The following POU2AF1 variants were observed in gnomAD, a reference collection of about 807,000 sequenced individuals.
The protein encoded by POU2AF1 is POU class 2 homeobox associating factor 1.
A neutral mutation model predicts 26.3 loss-of-function variants in POU2AF1; 12 were observed. The ratio of observed to expected loss-of-function variants is 0.46; its 90% CI spans 0.29 to 0.74. POU2AF1 has a LOEUF of 0.74. Among genes scored for constraint, POU2AF1 ranks in the 30% least tolerant of loss-of-function variants. POU2AF1 has a pLI of 0.09. For missense variants in POU2AF1, 297 were observed against 334.5 expected (o/e 0.89, Z 0.87); for synonymous variants, 175 against 148.0 (o/e 1.18, Z -1.32).
intron 1 of POU2AF1, among the ~76,000 whole-genome samples, chr11:111,371,101 G>A (rs1815947): frequency 0.98 from 148,831 of 152,296 alleles, 72,798 homozygotes; most frequent in East Asian, 1. Flanking sequence ...TCACCTCAGC[G>A]TTTCCTAGTC....
chr11:111,374,222 T>C (rs920260450), intron 1 of POU2AF1, among the ~76,000 whole-genome samples: 4 of 149,008 alleles, frequency 2.7e-5, no homozygotes, highest in African/African-American at 9.8e-5. Flanking sequence ...GGGACAAATC[T>C]GGCATTTTCT....
intron 1 of POU2AF1, among the ~76,000 whole-genome samples, chr11:111,369,881 T>A (rs1861175212): frequency 6.6e-6 from 1 of 152,178 alleles, no homozygotes; most frequent in Non-Finnish European, 1.5e-5. Context: ...GAATAACCTG[T>A]GGTTAGGCAG....
At chr11:111,358,586 TCACA>T (rs566781352) in intron 2 of POU2AF1, among the ~76,000 whole-genome samples, 198 bp downstream of exon 2, 21 of 116,244 alleles carry the variant, frequency 1.8e-4, no homozygotes, top group African/African-American at 5.8e-4. Flanking sequence ...TCACACTCCC[TCACA>T]CACACATACA....
chr11:111,358,989 C>T, intron 1 of POU2AF1, 71 bp from the exon 2 acceptor site: 1 of 1,538,994 alleles, frequency 6.5e-7, no homozygotes, highest in East Asian at 2.3e-5. Flanking sequence ...TGCTCATTTC[C>T]TCATGGATCT....
Position 111,358,918 on chromosome 11 carries a change from G to T in POU2AF1, c.17C>A (p.Pro6His). The T allele has an allele frequency of 1.9e-6, 3 of 1,600,516 alleles. No individual in the cohort carries two copies. The highest frequency in any genetic ancestry group is 2.5e-6 in the Non-Finnish European group (3 of 1,177,746). The change falls in exon 2 of 5, where the codon CCC (proline) becomes CAC (histidine). Residue 6 changes from proline to histidine, a missense_variant and splice_region_variant. Physicochemically the swap from Pro to His is moderately conservative, Grantham distance 77. Coordinates refer to ENST00000393067, the MANE Select transcript of POU2AF1 (RefSeq NM_006235.3). Reference protein sequence around the residue: MLWQKPTAPEQAPAPA... With the variant: MLWQKHTAPEQAPAPA... ...GGCTGGGGCTTGCTCCGGAGCTGTG[G>T]CTGTGAAAAGCAATGTCCCTGGAGC...
intron 1 of POU2AF1, among the ~76,000 whole-genome samples, chr11:111,375,459 C>G (rs1000142836): frequency 7.4e-5 from 9 of 121,938 alleles, no homozygotes; most frequent in African/African-American, 2.2e-4. Context: ...TGCAGTGGCA[C>G]GATCTCGGCT....
intron 1 of POU2AF1, chr11:111,363,550 C>T (rs1861050796): frequency 1.1e-6 from 1 of 910,304 alleles, no homozygotes; most frequent in African/African-American, 1.8e-5. Context: ...AAAAGTTTGT[C>T]TAAAATCACG....
chr11:111,374,461 C>T (rs4245183), intron 1 of POU2AF1, among the ~76,000 whole-genome samples: 98,396 of 151,932 alleles, frequency 0.65, 33,285 homozygotes, highest in Admixed American at 0.77. Context: ...CTTTGGGAGG[C>T]CAAGGCAGGT....
intron 1 of POU2AF1, among the ~76,000 whole-genome samples, chr11:111,369,575 C>T (rs1409418412): frequency 6.6e-6 from 1 of 152,158 alleles, no homozygotes; most frequent in Non-Finnish European, 1.5e-5. Flanking sequence ...CTCTTCAGTG[C>T]CCATAGATGG....
chr11:111,355,776 C>T (rs1860833096), intron 4 of POU2AF1, among the ~76,000 whole-genome samples: 1 of 152,270 alleles, frequency 6.6e-6, no homozygotes, highest in East Asian at 1.9e-4. Context: ...CAGAGGCCTT[C>T]CAGCCTCCTG....
chr11:111,372,847 G>A (rs1861238859), intron 1 of POU2AF1, among the ~76,000 whole-genome samples: 1 of 152,206 alleles, frequency 6.6e-6, no homozygotes, highest in South Asian at 2.1e-4. Context: ...TGTGTTGGGA[G>A]GGAGAAGGGG....
Position 111,352,974 on chromosome 11 carries a change from GA to G in POU2AF1, c.*1286del. 2 of 65,894 alleles carry G rather than the reference GA, an allele frequency of 3.0e-5. No individual in the cohort carries two copies. The highest frequency in any genetic ancestry group is 6.0e-5 in the Non-Finnish European group (2 of 33,462). The allele number at this position is 65,894 out of a possible 1,614,324, so 4.1% of individuals were successfully genotyped here. A position where few individuals can be genotyped will look rare whatever the true frequency, so the allele number is the denominator to read the frequency against. On this transcript the variant is annotated 3_prime_UTR_variant, in exon 5 of 5. Transcript: ENST00000393067. ...AAGAAAGAAAGAGAGAGGAAGGAAG[GA>G]AGGAAGGAAGGAAGGAAAGAAGGAA...
rs1158902563 is a variant in POU2AF1 at position 111,357,833 on chromosome 11, A to T, written c.152T>A (p.Val51Glu). ...SGAAPAPTAVVLPHQPLATYT... is the reference protein window; with the variant it reads ...SGAAPAPTAVELPHQPLATYT... ...GGTCGCCAGGGGCTGATGGGGCAGCACCACCTAGAGGGGAGAGGAGAAGAC... is the reference window on the plus strand; with the variant it reads ...GGTCGCCAGGGGCTGATGGGGCAGCTCCACCTAGAGGGGAGAGGAGAAGAC... The change falls in exon 3 of 5, where the codon GTG becomes GAG. Residue 51 changes from valine (V) to glutamate (E), a missense_variant. Transcript: ENST00000393067. The T allele has an allele frequency of 6.2e-7, 1 of 1,611,294 alleles. No individual in the cohort carries two copies. The highest frequency in any genetic ancestry group is 8.5e-7 in the Non-Finnish European group (1 of 1,179,020).
intron 1 of POU2AF1, among the ~76,000 whole-genome samples, chr11:111,372,149 G>A (rs1455403942): frequency 6.6e-6 from 1 of 151,722 alleles, no homozygotes; most frequent in Non-Finnish European, 1.5e-5. Context: ...GAAGTGCCAC[G>A]GAGGCAGAAG....
chr11:111,365,552 G>A (rs547210242), intron 1 of POU2AF1, among the ~76,000 whole-genome samples: 9 of 152,250 alleles, frequency 5.9e-5, no homozygotes, highest in Admixed American at 2.0e-4. Context: ...GAAGAAATAC[G>A]ATTTTCTCTT....
intron 1 of POU2AF1, among the ~76,000 whole-genome samples, chr11:111,365,734 G>A (rs929459464): frequency 3.9e-5 from 6 of 152,136 alleles, no homozygotes; most frequent in African/African-American, 1.4e-4. Context: ...GCAGGAGCCT[G>A]TAATCTCAGC....
At chr11:111,370,138 A>G (rs1861181200) in intron 1 of POU2AF1, among the ~76,000 whole-genome samples, 1 of 152,200 alleles carries the variant, frequency 6.6e-6, no homozygotes, top group Admixed American at 6.5e-5. Context: ...AAGTGAGAGT[A>G]GCCCTAACAA....
In POU2AF1 at chr11:111,354,088, G is replaced by C. The variant is rs929743472; in HGVS notation, c.*173C>G. 4 of 627,732 alleles carry C rather than the reference G, an allele frequency of 6.4e-6. No individual in the cohort carries two copies. Among genetic ancestry groups the C allele is most frequent in the Admixed American group, 3.6e-5 (1 of 27,444 alleles). The allele number at this position is 627,732 out of a possible 1,614,324, so 38.9% of individuals were successfully genotyped here. A position where few individuals can be genotyped will look rare whatever the true frequency, so the allele number is the denominator to read the frequency against. On this transcript the variant is annotated 3_prime_UTR_variant, in exon 5 of 5. Coordinates refer to ENST00000393067, the MANE Select transcript of POU2AF1 (RefSeq NM_006235.3). ...AGGATGGGGGAGAGGGAGGAAGTGAGGGAGGGAGGGGAAGGAAGAAGGGAA... is the reference window on the plus strand; with the variant it reads ...AGGATGGGGGAGAGGGAGGAAGTGACGGAGGGAGGGGAAGGAAGAAGGGAA...
chr11:111,353,424 T>G lies in POU2AF1; in HGVS notation c.*837A>C. On this transcript the variant is annotated 3_prime_UTR_variant, in exon 5 of 5. Coordinates refer to ENST00000393067, the MANE Select transcript of POU2AF1 (RefSeq NM_006235.3). ...TTCCCATCCCTCCTCTGTCCCTCTC[T>G]TCGTCACTGGCCTGTCCCCACCCAC... The G allele has an allele frequency of 4.3e-6, 1 of 233,944 alleles. No homozygotes were observed. Among genetic ancestry groups the G allele is most frequent in the Non-Finnish European group, 8.4e-6 (1 of 118,464 alleles). The allele number at this position is 233,944 out of a possible 1,614,324, so 14.5% of individuals were successfully genotyped here.
Sources: allele counts gnomAD v4.1 joint callset (sites outside exome capture counted in the v4.1 genomes callset), GRCh38; gene constraint gnomAD v4.1.1; transcripts MANE v1.5; gene names NCBI Gene and HGNC (gene_info 2026-07-23, HGNC 2026-07-21).